Variants in NUFIP1 observed in about 807,000 individuals in gnomAD.
The protein encoded by NUFIP1 is nuclear FMR1 interacting protein 1, also known as FMR1-interacting protein NUFIP1.
Under a neutral mutation model 56.2 loss-of-function variants are expected in NUFIP1, and 38 were observed. The observed-to-expected ratio is 0.68, with a 90% CI of 0.52 to 0.89. NUFIP1 has a LOEUF of 0.89. NUFIP1 is among the 40% of genes least tolerant of loss of function. NUFIP1 has a pLI of 0.00. For missense variants in NUFIP1, 567 were observed against 605.8 expected, an observed-to-expected ratio of 0.94 and a Z score of 0.67; for synonymous variants, 215 against 212.4, an observed-to-expected ratio of 1.01 and a Z score of -0.10.
intron 7 of NUFIP1, among the ~76,000 whole-genome samples, chr13:44,957,058 A>C (rs1871270245): frequency 6.6e-6 from 1 of 152,150 alleles, no homozygotes; most frequent in Admixed American, 6.5e-5. Context: ...TAAATATTCA[A>C]AATTATAAAT....
At chr13:44,957,414 A>G (rs1320476606) in intron 7 of NUFIP1, among the ~76,000 whole-genome samples, 2 of 152,034 alleles carry the variant, frequency 1.3e-5, no homozygotes, top group Non-Finnish European at 2.9e-5. Flanking sequence ...GTTTCATCAT[A>G]TTGGCCAGGC....
intron 1 of NUFIP1, 97 bp downstream of exon 1, chr13:44,988,928 G>A (rs777816635): frequency 4.4e-5 from 55 of 1,259,392 alleles, no homozygotes; most frequent in Non-Finnish European, 6.0e-5. Context: ...CAAGAGTGCA[G>A]AGGCAAGGCA....
chr13:44,963,114 G>A (rs970000631), intron 6 of NUFIP1, among the ~76,000 whole-genome samples: 9 of 151,998 alleles, frequency 5.9e-5, no homozygotes, highest in Non-Finnish European at 1.5e-5. Flanking sequence ...AAAACTTGCT[G>A]GAATTTTGAC....
At position 44,939,438 on chromosome 13, in the gene NUFIP1, A is replaced by G. The variant is rs1870657621; in HGVS notation, c.*1768T>C. Reference sequence around the variant, plus strand: ...TTCAGAAACTGATTAAACGAACAATAAGATAGGAATGTAGAAGGCAGAAAG... The same window carrying G: ...TTCAGAAACTGATTAAACGAACAATGAGATAGGAATGTAGAAGGCAGAAAG... On this transcript the variant is annotated 3_prime_UTR_variant, in exon 10 of 10. Transcript: ENST00000379161. The G allele has an allele frequency of 6.6e-6, 1 of 152,216 alleles. No individual in the cohort carries two copies. 9.4% of individuals were successfully genotyped at this position (152,216 alleles called of 1,614,324 possible).
chr13:44,947,321 C>T (rs1870934421), intron 8 of NUFIP1, among the ~76,000 whole-genome samples: 1 of 150,918 alleles, frequency 6.6e-6, no homozygotes. Flanking sequence ...TCACTGCAAC[C>T]TCCACCTTCT....
In NUFIP1 at chr13:44,979,275, A is replaced by G. The variant is rs780925381; in HGVS notation, c.658-9T>C. 7.7e-5 allele frequency: 124 copies of G among 1,602,488 alleles called. 1 individual carries two copies. The highest frequency in any genetic ancestry group is 4.3e-4 in the South Asian group (38 of 89,100). On this transcript the variant is annotated splice_polypyrimidine_tract_variant and intron_variant, in intron 4 of 9. Transcript: ENST00000379161. Reference sequence around the variant, plus strand: ...ATGCCAGGAGCATGCATCTAGGGGGAAAAAGCCTGCTGAACATCAGGAGGC... The same window carrying G: ...ATGCCAGGAGCATGCATCTAGGGGGGAAAAGCCTGCTGAACATCAGGAGGC...
In NUFIP1 at chr13:44,989,065, A is replaced by G; in HGVS notation, c.372T>C (p.Ser124=). The G allele has an allele frequency of 1.2e-6, 2 of 1,614,222 alleles. No individual in the cohort carries two copies. The highest frequency in any genetic ancestry group is 8.5e-7 in the Non-Finnish European group (1 of 1,180,028). The change falls in exon 1 of 10, where the codon TCT becomes TCC. Residue 124 remains serine, a synonymous_variant. Transcript: ENST00000379161. ...ACTTCTGATGCCGAGGAAACCTATC[A>G]GAAGACTGTCTCCAATACCACGATG... ...ASTSWYWRQS[S]DRFPRHQKSF...
intron 4 of NUFIP1, 139 bp downstream of exon 4, chr13:44,979,751 T>C (rs374949419): frequency 1.7e-6 from 1 of 576,076 alleles, no homozygotes; most frequent in East Asian, 3.2e-5. Context: ...AGGAAAAAGT[T>C]GAATAAATGA....
At chr13:44,978,695 C>G (rs1209262922) in intron 5 of NUFIP1, among the ~76,000 whole-genome samples, 1 of 152,080 alleles carries the variant, frequency 6.6e-6, no homozygotes, top group Admixed American at 6.5e-5. Flanking sequence ...AGCACCTGTG[C>G]ATCTTATTTA....
rs140448901 is a variant in NUFIP1, at chr13:44,967,664, T to C, written c.735-1728A>G. On this transcript the variant is annotated intron_variant, in intron 5 of 9. Coordinates refer to ENST00000379161, the MANE Select transcript of NUFIP1 (RefSeq NM_012345.3). ...AGTTTATATTTAATTCAGCAGGTGATAGAGAGCCACAGAAAGTTATGAACA... is the reference window on the plus strand; with the variant it reads ...AGTTTATATTTAATTCAGCAGGTGACAGAGAGCCACAGAAAGTTATGAACA... Among the ~76,000 whole-genome samples the C allele has an allele frequency of 5.1e-4, 77 of 152,270 alleles. 1 individual carries two copies. The East Asian group carries it at 0.014, about 28-fold the overall frequency.
chr13:44,948,420 A>G (rs1448006865), intron 8 of NUFIP1, among the ~76,000 whole-genome samples: 4 of 152,014 alleles, frequency 2.6e-5, no homozygotes, highest in Non-Finnish European at 5.9e-5. Context: ...GGGATTACAG[A>G]TGTGAGCCAC....
intron 5 of NUFIP1, among the ~76,000 whole-genome samples, chr13:44,966,463 T>G (rs1356256925): frequency 6.6e-6 from 1 of 151,848 alleles, no homozygotes; most frequent in Admixed American, 6.6e-5. Context: ...TACAGACACC[T>G]GCCATCACGC....
At chr13:44,969,692 T>C (rs1275267015) in intron 5 of NUFIP1, among the ~76,000 whole-genome samples, 1 of 152,214 alleles carries the variant, frequency 6.6e-6, no homozygotes, top group Non-Finnish European at 1.5e-5. Context: ...GCCTATACCT[T>C]ATGCCTCCAG....
intron 9 of NUFIP1, 53 bp downstream of exon 9, chr13:44,943,389 T>C: frequency 6.7e-7 from 1 of 1,487,050 alleles, no homozygotes; most frequent in South Asian, 1.2e-5. Context: ...CCAGTGGCTC[T>C]ATCTTTATGA....
intron 5 of NUFIP1, among the ~76,000 whole-genome samples, chr13:44,970,896 A>G (rs1357067744): frequency 6.6e-6 from 1 of 152,042 alleles, no homozygotes; most frequent in Non-Finnish European, 1.5e-5. Flanking sequence ...GGCTGGTCTC[A>G]AACTCCTGAC....
At chr13:44,983,467 G>A (rs1292659489) in intron 1 of NUFIP1, among the ~76,000 whole-genome samples, 5 of 149,874 alleles carry the variant, frequency 3.3e-5, no homozygotes, top group Admixed American at 6.6e-5. Context: ...GTGAGCCACC[G>A]CACCCAGCCC....
intron 7 of NUFIP1, among the ~76,000 whole-genome samples, chr13:44,950,632 G>C (rs1871058352): frequency 6.6e-6 from 1 of 152,170 alleles, no homozygotes; most frequent in Non-Finnish European, 1.5e-5. Flanking sequence ...ACAGGTGTGA[G>C]CCACTGTGAC....
chr13:44,969,644 CTT>C (rs1311476246), intron 5 of NUFIP1, among the ~76,000 whole-genome samples: 7 of 152,096 alleles, frequency 4.6e-5, no homozygotes, highest in Non-Finnish European at 8.8e-5. Flanking sequence ...TCCTTCCTCT[CTT>C]CTTTCATTTT....
chr13:44,944,297 C>T (rs1349114669), intron 8 of NUFIP1, among the ~76,000 whole-genome samples: 2 of 152,040 alleles, frequency 1.3e-5, no homozygotes, highest in Middle Eastern at 3.2e-3. Flanking sequence ...ATCACATGAA[C>T]GCCGAAAGTC....
Sources: gnomAD v4.1 joint callset for allele counts (sites outside exome capture counted in the v4.1 genomes callset) on GRCh38, gnomAD v4.1.1 for gene constraint, MANE v1.5 for transcripts, NCBI Gene and HGNC (gene_info 2026-07-23, HGNC 2026-07-21) for gene names.